Variants in RDX observed in about 807,000 individuals in gnomAD.
The protein encoded by RDX is radixin.
RDX carries 32 observed loss-of-function variants against 83.7 expected under a neutral mutation model. The observed-to-expected ratio is 0.38, with a 90% CI of 0.29 to 0.51. The LOEUF (loss-of-function observed/expected upper bound fraction) is 0.51, where lower values mean the gene tolerates loss of function less well. RDX is among the 20% of genes least tolerant of loss of function. The pLI is 0.87. For synonymous variants in RDX, 229 were observed against 222.7 expected, an observed-to-expected ratio of 1.03 and a Z score of -0.25; for missense variants, 600 against 689.9, an observed-to-expected ratio of 0.87 and a Z score of 1.46.
intron 15 of RDX, among the ~76,000 whole-genome samples, chr11:110,182,891 A>G (rs964742542): frequency 1.3e-5 from 2 of 152,352 alleles, no homozygotes; most frequent in Admixed American, 1.3e-4. Flanking sequence ...ACAAAATAAA[A>G]TATCTATGTT....
intron 10 of RDX, among the ~76,000 whole-genome samples, chr11:110,240,465 C>T (rs894193428): frequency 5.9e-5 from 9 of 152,002 alleles, no homozygotes; most frequent in Admixed American, 2.0e-4. Context: ...AAAAATAGGC[C>T]GGGCGCGGTG....
intron 15 of RDX, among the ~76,000 whole-genome samples, chr11:110,189,268 A>AAAAAAAAAAAAAAAAG (rs1863057746): frequency 2.3e-5 from 3 of 130,632 alleles, no homozygotes; most frequent in South Asian, 2.4e-4. Flanking sequence ...AAAAAAAAAA[A>AAAAAAAAAAAAAAAAG]GACAAGGGCA....
chr11:110,289,614 TTCAC>T (rs1861131455), intron 1 of RDX, among the ~76,000 whole-genome samples: 1 of 152,004 alleles, frequency 6.6e-6, no homozygotes, highest in Non-Finnish European at 1.5e-5. Context: ...CATTCTCCCT[TTCAC>T]TCAGAGTCCT....
At chr11:110,179,168 G>A (rs1862833387) in intron 15 of RDX, among the ~76,000 whole-genome samples, 1 of 152,190 alleles carries the variant, frequency 6.6e-6, no homozygotes, top group Non-Finnish European at 1.5e-5. Flanking sequence ...CCAGAAGCCG[G>A]GGAACTGATG....
downstream of RDX, among the ~76,000 whole-genome samples, chr11:110,228,448 T>A (rs1009818154): frequency 1.3e-5 from 2 of 152,052 alleles, no homozygotes; most frequent in Non-Finnish European, 2.9e-5. Flanking sequence ...AACCTAACAG[T>A]ACAGCTCCAC....
chr11:110,176,223 C>T (rs1862771721), intron 15 of RDX, among the ~76,000 whole-genome samples: 1 of 151,942 alleles, frequency 6.6e-6, no homozygotes, highest in African/African-American at 2.4e-5. Context: ...ACCACCACAC[C>T]CAGCCAATTT....
At chr11:110,283,838 C>G (rs1410260361) in intron 1 of RDX, among the ~76,000 whole-genome samples, 1 of 150,684 alleles carries the variant, frequency 6.6e-6, no homozygotes, top group Non-Finnish European at 1.5e-5. Flanking sequence ...TTTTAAATCT[C>G]TACATAGGTA....
chr11:110,264,151 T>C lies in RDX; in HGVS notation c.276A>G (p.Glu92=), dbSNP rs1859925391. The change falls in exon 5 of 14, where the codon GAA becomes GAG. Residue 92 remains glutamate (E), a synonymous_variant. Coordinates refer to ENST00000645495, the MANE Select transcript of RDX (RefSeq NM_002906.4). The part of the protein sequence containing the change: ...AKFFPEDVSE[E]LIQEITQRLF... ...GTCTCTGGGTTATTTCTTGAATTAA[T>C]TCCTCAGAAACATCTTCAGGAAAGA... 1 of 1,612,700 alleles carries C rather than the reference T, an allele frequency of 6.2e-7. No individual in the cohort carries two copies. Among genetic ancestry groups the C allele is most frequent in the Non-Finnish European group, 8.5e-7 (1 of 1,178,706 alleles).
intron 1 of RDX, among the ~76,000 whole-genome samples, chr11:110,285,535 G>A (rs914331178): frequency 3.3e-5 from 5 of 151,948 alleles, no homozygotes; most frequent in African/African-American, 1.2e-4. Flanking sequence ...GCAACATGGA[G>A]AAACCCTGTC....
intron 13 of RDX, among the ~76,000 whole-genome samples, chr11:110,232,855 T>C (rs1175038722): frequency 6.6e-6 from 1 of 152,228 alleles, no homozygotes; most frequent in African/African-American, 2.4e-5. Context: ...CCTCAGGCAG[T>C]CCACCTGCCT....
At chr11:110,242,531 CA>C (rs1451810679) in intron 10 of RDX, among the ~76,000 whole-genome samples, 2 of 149,070 alleles carry the variant, frequency 1.3e-5, no homozygotes, top group Non-Finnish European at 3.0e-5. Context: ...TATTATGAGA[CA>C]AAAAAGAGAA....
At chr11:110,265,554 C>A (rs1355323907) in intron 3 of RDX, among the ~76,000 whole-genome samples, 3 of 151,660 alleles carry the variant, frequency 2.0e-5, no homozygotes, top group African/African-American at 7.3e-5. Flanking sequence ...TTTCTATTTA[C>A]CCCCACAAGT....
chr11:110,273,919 T>C (rs1424831059), intron 2 of RDX, among the ~76,000 whole-genome samples: 1 of 152,206 alleles, frequency 6.6e-6, no homozygotes, highest in Non-Finnish European at 1.5e-5. Context: ...CATTTGTTTT[T>C]ATGTATCTTT....
At chr11:110,198,860 G>A (rs1198234471) in intron 15 of RDX, among the ~76,000 whole-genome samples, 2 of 151,330 alleles carry the variant, frequency 1.3e-5, no homozygotes, top group East Asian at 1.9e-4. Flanking sequence ...CTGTCATCCA[G>A]GATGGAGTGC....
At chr11:110,246,083 A>G (rs1447451863) in intron 10 of RDX, among the ~76,000 whole-genome samples, 1 of 152,122 alleles carries the variant, frequency 6.6e-6, no homozygotes, top group African/African-American at 2.4e-5. Flanking sequence ...TTTCGGAGAG[A>G]TAAGATCTCA....
chr11:110,260,823 ATAT>A (rs1268322758), intron 5 of RDX, among the ~76,000 whole-genome samples: 2 of 152,212 alleles, frequency 1.3e-5, no homozygotes, highest in Non-Finnish European at 2.9e-5. Flanking sequence ...CTAATACACT[ATAT>A]TATTACTACT....
intron 15 of RDX, among the ~76,000 whole-genome samples, chr11:110,180,402 C>T (rs970170444): frequency 3.3e-5 from 5 of 152,178 alleles, no homozygotes; most frequent in Non-Finnish European, 5.9e-5. Flanking sequence ...CTTCAGCGGT[C>T]GGAATCTTCC....
At chr11:110,240,674 G>A (rs1207946855) in intron 10 of RDX, among the ~76,000 whole-genome samples, 3 of 149,614 alleles carry the variant, frequency 2.0e-5, no homozygotes, top group Non-Finnish European at 4.4e-5. Context: ...GAACCCGGGA[G>A]GCGGAGCTTG....
chr11:110,263,885 C>A, intron 5 of RDX, 75 bp downstream of exon 5: 2 of 1,320,656 alleles, frequency 1.5e-6, no homozygotes. Context: ...AAAAAAAAAC[C>A]TGAAAAACGT....
Sources: allele counts gnomAD v4.1 joint callset (sites outside exome capture counted in the v4.1 genomes callset), GRCh38; gene constraint gnomAD v4.1.1; transcripts MANE v1.5; gene names NCBI Gene and HGNC (gene_info 2026-07-23, HGNC 2026-07-21).